The following DLG2 variants were observed in gnomAD, a reference collection of about 807,000 sequenced individuals.
DLG2 encodes disks large homolog 2.
Under a neutral mutation model 132.5 loss-of-function variants are expected in DLG2, and 45 were observed. That is an observed-to-expected ratio of 0.34 (90% CI 0.27 to 0.44). The LOEUF is 0.44. Ranked by LOEUF, DLG2 falls within the 20% of genes least tolerant of loss-of-function variation. DLG2 has a pLI of 1.00. For synonymous variants in DLG2, 424 were observed against 419.6 expected (o/e 1.01, Z -0.13); for missense variants, 1,045 against 1,196.9 (o/e 0.87, Z 1.87).
intron 6 of DLG2, among the ~76,000 whole-genome samples, chr11:84,910,391 A>C (rs2091944982): frequency 6.6e-6 from 1 of 152,190 alleles, no homozygotes; most frequent in Admixed American, 6.5e-5. Context: ...GAACTAGTCA[A>C]ATGCTTTCCT....
intron 7 of DLG2, among the ~76,000 whole-genome samples, chr11:84,372,813 C>T (rs576327917): frequency 6.6e-6 from 1 of 152,238 alleles, no homozygotes; most frequent in South Asian, 2.1e-4. Flanking sequence ...AATGTTATTA[C>T]TGTCATTTAT....
chr11:84,905,563 A>C (rs937636609), intron 6 of DLG2, among the ~76,000 whole-genome samples: 37 of 152,306 alleles, frequency 2.4e-4, no homozygotes, highest in African/African-American at 8.9e-4. Context: ...GATTTGATGA[A>C]TTATTTAAGC....
At chr11:85,417,537 A>G (rs576558662) in intron 3 of DLG2, among the ~76,000 whole-genome samples, 2 of 152,124 alleles carry the variant, frequency 1.3e-5, no homozygotes, top group East Asian at 3.9e-4. Context: ...TCCTCTTTAT[A>G]CCTCTGGTAG....
intron 2 of DLG2, among the ~76,000 whole-genome samples, chr11:85,603,573 G>C (rs1465369231): frequency 6.8e-6 from 1 of 146,604 alleles, no homozygotes; most frequent in Non-Finnish European, 1.5e-5. Context: ...TTTTTTTTAA[G>C]CTTCTGTGGC....
At chr11:85,343,613 C>T (rs2082640797) in intron 3 of DLG2, among the ~76,000 whole-genome samples, 1 of 152,064 alleles carries the variant, frequency 6.6e-6, no homozygotes, top group Non-Finnish European at 1.5e-5. Flanking sequence ...TATGTGTGCA[C>T]ACGTTCTCTC....
chr11:84,056,912 C>T (rs751737109), intron 11 of DLG2, among the ~76,000 whole-genome samples: 4 of 152,154 alleles, frequency 2.6e-5, no homozygotes, highest in Non-Finnish European at 4.4e-5. Context: ...TCTCACCTCT[C>T]TCTACAGGAA....
intron 15 of DLG2, among the ~76,000 whole-genome samples, chr11:83,881,940 T>C (rs1268482433): frequency 6.6e-6 from 1 of 152,178 alleles, no homozygotes; most frequent in African/African-American, 2.4e-5. Context: ...TAGTTAAAAA[T>C]ATTGCTGTCA....
intron 6 of DLG2, among the ~76,000 whole-genome samples, chr11:84,743,153 C>T (rs574337079): frequency 6.6e-6 from 1 of 152,226 alleles, no homozygotes; most frequent in East Asian, 1.9e-4. Context: ...ACCCAGTTTC[C>T]CCTATTAGTT....
chr11:84,528,768 C>G (rs2099328480), intron 7 of DLG2, among the ~76,000 whole-genome samples: 1 of 152,330 alleles, frequency 6.6e-6, no homozygotes, highest in South Asian at 2.1e-4. Context: ...TTCCCTGATT[C>G]TAACAGGCTT....
At chr11:84,711,203 G>A (rs574453152) in intron 6 of DLG2, among the ~76,000 whole-genome samples, 3 of 151,576 alleles carry the variant, frequency 2.0e-5, no homozygotes, top group Non-Finnish European at 2.9e-5. Flanking sequence ...ATCTGATTGC[G>A]TTTATGATTT....
intron 15 of DLG2, among the ~76,000 whole-genome samples, chr11:83,890,813 A>G (rs1283982920): frequency 1.3e-5 from 2 of 152,114 alleles, no homozygotes; most frequent in Non-Finnish European, 1.5e-5. Flanking sequence ...GAAATAACCA[A>G]TGGGTCGAAG....
chr11:84,471,328 C>G (rs1043658525), intron 7 of DLG2, among the ~76,000 whole-genome samples: 1 of 151,770 alleles, frequency 6.6e-6, no homozygotes, highest in African/African-American at 2.4e-5. Flanking sequence ...GTAATTGCTG[C>G]TCTGATATCT....
Position 84,820,108 on chromosome 11 carries a change from A to C in DLG2, c.358-285377T>G, listed in dbSNP as rs762240937. 3.7e-4 allele frequency among the ~76,000 whole-genome samples: 56 copies of C among 151,378 alleles called. 1 individual carries two copies. Among genetic ancestry groups the C allele is most frequent in the Non-Finnish European group, 4.6e-4 (31 of 67,778 alleles). On this transcript the variant is annotated intron_variant, in intron 6 of 27. Coordinates refer to ENST00000376104, the MANE Select transcript of DLG2 (RefSeq NM_001142699.3). The stretch of plus-strand genomic sequence containing the variant: ...TCCACAAGACAATGTACAACTGTAA[A>C]TTAAATACAACTGCAATTAAGGCCA...
chr11:83,486,089 T>C, intron 21 of DLG2: 1 of 556,666 alleles, frequency 1.8e-6, no homozygotes, highest in Middle Eastern at 2.7e-4. Context: ...AATATAGTTT[T>C]ATCATCAATT....
chr11:84,546,529 CT>C, intron 6 of DLG2: 1 of 335,072 alleles, frequency 3.0e-6, no homozygotes, highest in Non-Finnish European at 5.9e-6. Flanking sequence ...CAACAAATAT[CT>C]TTTTCACAGT....
chr11:83,925,021 C>G (rs2078698002), intron 15 of DLG2, among the ~76,000 whole-genome samples: 1 of 152,112 alleles, frequency 6.6e-6, no homozygotes, highest in Non-Finnish European at 1.5e-5. Context: ...GCTTCCAACA[C>G]TACCGCTTGT....
intron 3 of DLG2, among the ~76,000 whole-genome samples, chr11:85,361,254 C>G (rs2084129047): frequency 2.0e-5 from 3 of 152,068 alleles, no homozygotes; most frequent in Admixed American, 2.0e-4. Context: ...CTCCCTGGTT[C>G]AAGCAATTCT....
At chr11:85,229,743 A>G (rs1431381027) in intron 4 of DLG2, among the ~76,000 whole-genome samples, 2 of 152,146 alleles carry the variant, frequency 1.3e-5, no homozygotes, top group South Asian at 2.1e-4. Context: ...ACCAACCCAA[A>G]TGCCCATCAA....
intron 11 of DLG2, among the ~76,000 whole-genome samples, chr11:84,058,411 T>A (rs2154129819): frequency 6.6e-6 from 1 of 151,578 alleles, no homozygotes; most frequent in Non-Finnish European, 1.5e-5. Flanking sequence ...ATCCCAACAC[T>A]TTGGGAGGCC....
Sources: gnomAD v4.1 joint callset for allele counts (sites outside exome capture counted in the v4.1 genomes callset) on GRCh38, gnomAD v4.1.1 for gene constraint, MANE v1.5 for transcripts, NCBI Gene and HGNC (gene_info 2026-07-23, HGNC 2026-07-21) for gene names.